The following ALX1 variants were observed in gnomAD, a reference collection of about 807,000 sequenced individuals.
ALX1 encodes the protein ALX homeobox 1.
In ALX1, 19 loss-of-function variants were observed where a neutral mutation model predicts 31.7. That is an observed-to-expected ratio of 0.60 (90% confidence interval 0.42 to 0.88). The LOEUF is 0.88. ALX1 is among the 40% of genes least tolerant of loss of function. The pLI is 0.00. For missense variants in ALX1, 415 were observed against 407.8 expected (o/e 1.02, Z -0.15); for synonymous variants, 153 against 148.8 (o/e 1.03, Z -0.20).
intron 2 of ALX1, among the ~76,000 whole-genome samples, chr12:85,284,973 C>T (rs895238502): frequency 6.6e-6 from 1 of 151,964 alleles, no homozygotes; most frequent in Non-Finnish European, 1.5e-5. Flanking sequence ...TAACAAGCAG[C>T]AGATTTTTAC....
intron 3 of ALX1, among the ~76,000 whole-genome samples, chr12:85,290,355 C>T (rs1896802956): frequency 6.6e-6 from 1 of 151,000 alleles, no homozygotes; most frequent in African/African-American, 2.4e-5. Flanking sequence ...GCTCAGGAGC[C>T]CAAAGATCTT....
intron 2 of ALX1, 84 bp from the exon 3 acceptor site, chr12:85,286,769 C>A (rs1426764909): frequency 7.9e-7 from 1 of 1,267,510 alleles, no homozygotes; most frequent in East Asian, 2.6e-5. Context: ...CCTGGTTTAC[C>A]TTTCTTGTTT....
At chr12:85,287,050 G>T in intron 3 of ALX1, 69 bp downstream of exon 3, 1 of 1,563,708 alleles carries the variant, frequency 6.4e-7, no homozygotes, top group Non-Finnish European at 8.8e-7. Flanking sequence ...AAAATGGTTA[G>T]CATAGGCTTT....
At chr12:85,294,267 A>G (rs1304939745) in intron 3 of ALX1, among the ~76,000 whole-genome samples, 2 of 151,050 alleles carry the variant, frequency 1.3e-5, no homozygotes, top group Non-Finnish European at 3.0e-5. Flanking sequence ...GGATAATTTC[A>G]TCACTAAAAT....
chr12:85,290,105 A>G (rs1372446932), intron 3 of ALX1, among the ~76,000 whole-genome samples: 3 of 151,278 alleles, frequency 2.0e-5, no homozygotes, highest in African/African-American at 7.3e-5. Flanking sequence ...TAGTTTAGAA[A>G]ATGATCTCCT....
chr12:85,298,650 T>C (rs1410867356), intron 3 of ALX1, among the ~76,000 whole-genome samples: 3 of 151,728 alleles, frequency 2.0e-5, no homozygotes, highest in Non-Finnish European at 4.4e-5. Flanking sequence ...TGTGTGAGGA[T>C]ATCTCTACCT....
intron 2 of ALX1, among the ~76,000 whole-genome samples, chr12:85,285,548 C>T (rs992218323): frequency 3.3e-5 from 5 of 151,894 alleles, no homozygotes; most frequent in Non-Finnish European, 7.4e-5. Context: ...AGCTCTCTGG[C>T]TCATTTCAAT....
chr12:85,298,538 T>C (rs1254225584), intron 3 of ALX1, among the ~76,000 whole-genome samples: 1 of 151,616 alleles, frequency 6.6e-6, no homozygotes, highest in Non-Finnish European at 1.5e-5. Context: ...GTTTCTAAAG[T>C]CAAATAAAGA....
intron 3 of ALX1, among the ~76,000 whole-genome samples, chr12:85,290,401 G>A (rs1041367314): frequency 6.6e-6 from 1 of 151,026 alleles, no homozygotes; most frequent in African/African-American, 2.4e-5. Context: ...TCACTGAAGA[G>A]TGAAATTATT....
intron 2 of ALX1, among the ~76,000 whole-genome samples, chr12:85,284,681 G>A (rs770394502): frequency 2.0e-5 from 3 of 151,928 alleles, no homozygotes; most frequent in Non-Finnish European, 4.4e-5. Context: ...TACCTCTTAG[G>A]AGTACTTTAT....
At chr12:85,281,113 T>G (rs956389246) in intron 1 of ALX1, among the ~76,000 whole-genome samples, 5 of 152,226 alleles carry the variant, frequency 3.3e-5, no homozygotes, top group African/African-American at 1.2e-4. Context: ...CAACACGCGT[T>G]GAATGTTTGT....
intron 1 of ALX1, among the ~76,000 whole-genome samples, chr12:85,281,347 T>C (rs551098281): frequency 6.2e-4 from 95 of 152,332 alleles, no homozygotes; most frequent in Middle Eastern, 3.4e-3. Context: ...AACCTAATAC[T>C]AACCTATTAT....
At chr12:85,284,331 G>T (rs1593047891) in intron 2 of ALX1, among the ~76,000 whole-genome samples, 1 of 144,962 alleles carries the variant, frequency 6.9e-6, no homozygotes, top group South Asian at 2.2e-4. Flanking sequence ...TTCTAGATTT[G>T]GAGGCATAAT....
intron 1 of ALX1, among the ~76,000 whole-genome samples, chr12:85,282,078 C>T (rs1429976643): frequency 1.3e-5 from 2 of 151,988 alleles, no homozygotes; most frequent in Non-Finnish European, 2.9e-5. Context: ...CTTGAGATGC[C>T]CTTAGCCTCT....
chr12:85,291,920 T>C (rs1401662178), intron 3 of ALX1, among the ~76,000 whole-genome samples: 1 of 151,132 alleles, frequency 6.6e-6, no homozygotes, highest in Non-Finnish European at 1.5e-5. Context: ...TTCAGTTTAA[T>C]AGCTTTTAGA....
At chr12:85,280,609 G>C (rs1896657027) in intron 1 of ALX1, 122 bp downstream of exon 1, 2 of 1,108,064 alleles carry the variant, frequency 1.8e-6, no homozygotes, top group African/African-American at 1.5e-5. Flanking sequence ...CTGGAAGGTG[G>C]AGGAAGGTAG....
chr12:85,289,609 A>C (rs1052072510), intron 3 of ALX1, among the ~76,000 whole-genome samples: 7 of 151,386 alleles, frequency 4.6e-5, no homozygotes, highest in African/African-American at 1.7e-4. Context: ...TTACTTCAAC[A>C]GTGCCAATCA....
intron 3 of ALX1, among the ~76,000 whole-genome samples, chr12:85,289,174 T>C (rs918657187): frequency 6.6e-6 from 1 of 151,268 alleles, no homozygotes; most frequent in African/African-American, 2.4e-5. Flanking sequence ...CTTGCTTCTT[T>C]GATAAAGCAA....
At chr12:85,296,752 A>G (rs1389437867) in intron 3 of ALX1, among the ~76,000 whole-genome samples, 1 of 151,716 alleles carries the variant, frequency 6.6e-6, no homozygotes, top group Non-Finnish European at 1.5e-5. Context: ...AAAAACACAC[A>G]TACAAGAAGG....
Sources: allele counts gnomAD v4.1 joint callset (sites outside exome capture counted in the v4.1 genomes callset), GRCh38; gene constraint gnomAD v4.1.1; transcripts MANE v1.5; gene names NCBI Gene and HGNC (gene_info 2026-07-23, HGNC 2026-07-21).